Variants in NCAM1 observed in about 807,000 individuals in gnomAD.
NCAM1 encodes the protein neural cell adhesion molecule 1, also known as antigen recognized by monoclonal antibody 5.1H11.
Under a neutral mutation model 109.8 loss-of-function variants are expected in NCAM1, and 14 were observed. The ratio of observed to expected loss-of-function variants is 0.13; its 90% CI spans 0.08 to 0.20. The LOEUF is 0.20. Ranked by LOEUF, NCAM1 falls within the 10% of genes least tolerant of loss-of-function variation. NCAM1 has a pLI of 1.00. For missense variants in NCAM1, 774 were observed against 1,109.9 expected, an observed-to-expected ratio of 0.70 and a Z score of 4.30; for synonymous variants, 418 against 442.9, an observed-to-expected ratio of 0.94 and a Z score of 0.70.
intron 17 of NCAM1, among the ~76,000 whole-genome samples, chr11:113,266,905 G>A (rs1243290786): frequency 6.6e-6 from 1 of 152,128 alleles, no homozygotes; most frequent in Admixed American, 6.5e-5. Flanking sequence ...TCTTGTGGTT[G>A]AAGAGACACT....
At chr11:113,205,354 G>A (rs1157475398) in intron 3 of NCAM1, among the ~76,000 whole-genome samples, 169 bp from the exon 4 acceptor site, 1 of 152,170 alleles carries the variant, frequency 6.6e-6, no homozygotes, top group Non-Finnish European at 1.5e-5. Flanking sequence ...GGTAACCTAT[G>A]CTTGGGCCAG....
rs1591444020 is a variant in NCAM1 at position 113,234,889 on chromosome 11, T to C, written c.1694-144T>C. 1.7e-5 allele frequency: 19 copies of C among 1,125,546 alleles called. No individual in the cohort carries two copies. In the East Asian group the frequency reaches 5.0e-4, roughly 30 times the overall value. 69.7% of individuals were successfully genotyped at this position (1,125,546 alleles called of 1,614,324 possible). A position where few individuals can be genotyped will look rare whatever the true frequency, so the allele number is the denominator to read the frequency against. On this transcript the variant is annotated intron_variant, in intron 13 of 19. Transcript: ENST00000316851. ...TATCTGTTTGGTCCCGACTTTCAAT[T>C]CTATGCATATGCCCAGAAATAGAAT...
chr11:113,248,309 C>T (rs1465647697), intron 15 of NCAM1, among the ~76,000 whole-genome samples: 1 of 151,852 alleles, frequency 6.6e-6, no homozygotes, highest in Non-Finnish European at 1.5e-5. Flanking sequence ...ATGTCCTCAT[C>T]CATGACAGAC....
intron 1 of NCAM1, among the ~76,000 whole-genome samples, chr11:113,098,504 A>C (rs564723045): frequency 6.6e-6 from 1 of 152,196 alleles, no homozygotes; most frequent in African/African-American, 2.4e-5. Flanking sequence ...TGAATCTGTG[A>C]ATGTAGAACC....
chr11:113,049,675 G>A (rs782571961), intron 1 of NCAM1, among the ~76,000 whole-genome samples: 3 of 152,144 alleles, frequency 2.0e-5, no homozygotes, highest in East Asian at 1.9e-4. Flanking sequence ...AGGTCTTTGC[G>A]TTAAAACTCT....
chr11:113,048,494 G>T (rs1284364081), intron 1 of NCAM1, among the ~76,000 whole-genome samples: 1 of 152,152 alleles, frequency 6.6e-6, no homozygotes, highest in Non-Finnish European at 1.5e-5. Context: ...TTCCCTTGTG[G>T]ACACGGATGT....
chr11:113,097,954 C>G (rs1555090763), intron 1 of NCAM1, among the ~76,000 whole-genome samples: 1 of 152,124 alleles, frequency 6.6e-6, no homozygotes, highest in Admixed American at 6.6e-5. Flanking sequence ...GAAGCTTATG[C>G]TACCAAGCGC....
At chr11:113,084,584 G>C (rs1938993509) in intron 1 of NCAM1, among the ~76,000 whole-genome samples, 1 of 152,158 alleles carries the variant, frequency 6.6e-6, no homozygotes, top group African/African-American at 2.4e-5. Context: ...ATCTTACCGT[G>C]GATGGGTTCT....
At chr11:113,036,466 C>G (rs2135389323) in intron 1 of NCAM1, among the ~76,000 whole-genome samples, 1 of 152,146 alleles carries the variant, frequency 6.6e-6, no homozygotes, top group East Asian at 1.9e-4. Context: ...CAAGCCACTG[C>G]TTCCCCCTGC....
intron 1 of NCAM1, among the ~76,000 whole-genome samples, chr11:113,113,672 T>G (rs1555094233): frequency 6.6e-6 from 1 of 152,182 alleles, no homozygotes; most frequent in East Asian, 1.9e-4. Flanking sequence ...TGTCGTTGCT[T>G]GTTTCAGCAT....
chr11:113,200,931 T>G (rs1944035249), intron 1 of NCAM1, among the ~76,000 whole-genome samples: 1 of 152,100 alleles, frequency 6.6e-6, no homozygotes, highest in African/African-American at 2.4e-5. Flanking sequence ...TGCCCTAGAT[T>G]ACTCTATTTC....
chr11:113,240,794 G>A, intron 14 of NCAM1: 1 of 1,613,362 alleles, frequency 6.2e-7, no homozygotes, highest in Non-Finnish European at 8.5e-7. Flanking sequence ...AGCGGCATCT[G>A]CTAGCTCGTC....
At chr11:113,085,514 T>A (rs1939040263) in intron 1 of NCAM1, among the ~76,000 whole-genome samples, 1 of 152,212 alleles carries the variant, frequency 6.6e-6, no homozygotes, top group African/African-American at 2.4e-5. Context: ...TTTCTCCTTA[T>A]TTTTTCTTTC....
At chr11:113,048,008 G>T (rs371829296) in intron 1 of NCAM1, among the ~76,000 whole-genome samples, 5 of 152,168 alleles carry the variant, frequency 3.3e-5, no homozygotes, top group South Asian at 4.2e-4. Context: ...GTCTTCCAAG[G>T]CTCCAGCTTG....
intron 1 of NCAM1, among the ~76,000 whole-genome samples, chr11:113,118,103 A>G (rs1940788771): frequency 6.6e-6 from 1 of 152,004 alleles, no homozygotes; most frequent in African/African-American, 2.4e-5. Flanking sequence ...ATAACCCACT[A>G]TAAATAAGGA....
intron 1 of NCAM1, among the ~76,000 whole-genome samples, chr11:113,179,218 A>T (rs1460995544): frequency 6.6e-6 from 1 of 152,190 alleles, no homozygotes; most frequent in African/African-American, 2.4e-5. Context: ...ATACTTTTTA[A>T]TTATACATTT....
chr11:113,079,481 C>T (rs1253319075), intron 1 of NCAM1, among the ~76,000 whole-genome samples: 1 of 152,126 alleles, frequency 6.6e-6, no homozygotes, highest in African/African-American at 2.4e-5. Flanking sequence ...TACTTATATC[C>T]CAGAGACAGA....
At chr11:113,116,893 T>C (rs1009306002) in intron 1 of NCAM1, among the ~76,000 whole-genome samples, 1 of 151,922 alleles carries the variant, frequency 6.6e-6, no homozygotes, top group African/African-American at 2.4e-5. Context: ...TGAGATTTCA[T>C]AGAAAAATGT....
Position 113,226,223 on chromosome 11 carries a change from G to A in NCAM1, c.1089+4898G>A, listed in dbSNP as rs185650976. Among the ~76,000 whole-genome samples, 326 of 152,280 alleles carry A rather than the reference G, an allele frequency of 2.1e-3. 2 individuals are homozygous for A. The highest frequency in any genetic ancestry group is 7.4e-3 in the African/African-American group (309 of 41,538). ...CAGAGACACACAGGCTCAAAATAAA[G>A]GGATGGAGGAAGATCTACCAAGCAA... On this transcript the variant is annotated intron_variant, in intron 9 of 19. Transcript: ENST00000316851.
Sources: gnomAD v4.1 joint callset for allele counts (sites outside exome capture counted in the v4.1 genomes callset) on GRCh38, gnomAD v4.1.1 for gene constraint, MANE v1.5 for transcripts, NCBI Gene and HGNC (gene_info 2026-07-23, HGNC 2026-07-21) for gene names.